SSX2IP: variants seen among roughly 807,000 people sequenced by gnomAD.
The protein encoded by SSX2IP is SSX family member 2 interacting protein.
SSX2IP carries 55 observed loss-of-function variants against 84.9 expected under a neutral mutation model. The ratio of observed to expected loss-of-function variants is 0.65; its 90% CI spans 0.52 to 0.81. SSX2IP has a LOEUF of 0.81. SSX2IP is among the 30% of genes least tolerant of loss of function. SSX2IP has a pLI of 0.00. For synonymous variants in SSX2IP, 239 were observed against 234.7 expected (o/e 1.02, Z -0.17); for missense variants, 664 against 705.2 (o/e 0.94, Z 0.66).
At chr1:84,663,474 A>G (rs1334816438) in intron 6 of SSX2IP, among the ~76,000 whole-genome samples, 1 of 152,210 alleles carries the variant, frequency 6.6e-6, no homozygotes, top group Non-Finnish European at 1.5e-5. Flanking sequence ...CAGGATACCT[A>G]AAGATTTCCA....
chr1:84,653,678 G>C (rs981745220), intron 11 of SSX2IP, among the ~76,000 whole-genome samples: 1 of 152,202 alleles, frequency 6.6e-6, no homozygotes, highest in Admixed American at 6.5e-5. Context: ...ACTGTGAACT[G>C]AGGAAATCCA....
chr1:84,655,882 C>CA lies in SSX2IP; in HGVS notation c.1338dup (p.Glu447Ter). 6.2e-7 allele frequency: 1 copy of CA among 1,614,006 alleles called. No individual in the cohort carries two copies. The highest frequency in any genetic ancestry group is 8.5e-7 in the Non-Finnish European group (1 of 1,179,938). ...TCTGTAAAGCTTCGTCTCTCCCTCT[C>CA]AAAATTCTTTTTCTGCTCTTTAAAA... On this transcript the variant is annotated frameshift_variant, in exon 11 of 14. Transcript: ENST00000342203. LOFTEE classifies it high-confidence loss of function.
intron 1 of SSX2IP, among the ~76,000 whole-genome samples, chr1:84,686,299 TAGTC>T (rs1055782961): frequency 2.0e-5 from 3 of 152,214 alleles, no homozygotes; most frequent in African/African-American, 7.2e-5. Flanking sequence ...CTGGCTGACT[TAGTC>T]AGTGACTGAG....
intron 1 of SSX2IP, among the ~76,000 whole-genome samples, chr1:84,687,560 T>C (rs1655972250): frequency 6.6e-6 from 1 of 152,188 alleles, no homozygotes; most frequent in Admixed American, 6.5e-5. Flanking sequence ...AAGAAAGGTT[T>C]GTTGTATAAT....
intron 1 of SSX2IP, among the ~76,000 whole-genome samples, chr1:84,682,898 T>G (rs1258827970): frequency 6.6e-6 from 1 of 152,200 alleles, no homozygotes; most frequent in African/African-American, 2.4e-5. Flanking sequence ...ATAAAATAAT[T>G]TATTAAGCAT....
chr1:84,671,957 TTA>T (rs758093208), intron 1 of SSX2IP, among the ~76,000 whole-genome samples: 12 of 152,316 alleles, frequency 7.9e-5, no homozygotes, highest in South Asian at 4.1e-4. Flanking sequence ...AATAATGTGT[TTA>T]TGTTTCCATA....
intron 11 of SSX2IP, chr1:84,655,624 T>C: frequency 6.6e-7 from 1 of 1,506,610 alleles, no homozygotes; most frequent in African/African-American, 1.4e-5. Context: ...GCGTTTTTTT[T>C]TCTTAAGTTC....
intron 1 of SSX2IP, among the ~76,000 whole-genome samples, chr1:84,674,350 T>A (rs1654001292): frequency 6.6e-6 from 1 of 152,158 alleles, no homozygotes; most frequent in Non-Finnish European, 1.5e-5. Flanking sequence ...TTCTAAAACC[T>A]ATAACAAAAT....
At position 84,669,764 on chromosome 1, in the gene SSX2IP, G is replaced by A; in HGVS notation, c.343C>T (p.Leu115=). The change falls in exon 4 of 14, where the codon CTA becomes TTA. Residue 115 remains leucine (L), a synonymous_variant. Coordinates refer to ENST00000342203, the MANE Select transcript of SSX2IP (RefSeq NM_001166293.2). ...TGTGTCTCCACATTTTCCTGAGCTAGAAGGTTCTTCCGCTGAAGCACAAGC... is the reference window on the plus strand; with the variant it reads ...TGTGTCTCCACATTTTCCTGAGCTAAAAGGTTCTTCCGCTGAAGCACAAGC... ...ELLVLQRKNL[L]AQENVETQNL... is the part of the protein sequence containing the mutation. 2.5e-6 allele frequency: 4 copies of A among 1,613,842 alleles called. No individual in the cohort carries two copies. The highest frequency in any genetic ancestry group is 3.4e-6 in the Non-Finnish European group (4 of 1,179,806).
At chr1:84,669,653 C>T in intron 4 of SSX2IP, 28 bp downstream of exon 4, 1 of 1,524,808 alleles carries the variant, frequency 6.6e-7, no homozygotes, top group Non-Finnish European at 9.1e-7. Flanking sequence ...ATAATTATGG[C>T]ATTAAAATAT....
chr1:84,684,045 T>G (rs1046742761), intron 1 of SSX2IP, among the ~76,000 whole-genome samples: 4 of 152,164 alleles, frequency 2.6e-5, no homozygotes, highest in African/African-American at 9.7e-5. Flanking sequence ...CCTCAAATAA[T>G]GAAATGGTAA....
chr1:84,678,385 A>G (rs558170050), intron 1 of SSX2IP, among the ~76,000 whole-genome samples: 13 of 152,272 alleles, frequency 8.5e-5, no homozygotes, highest in African/African-American at 2.4e-4. Context: ...TTCAAAACTA[A>G]TGCTTTTACA....
intron 1 of SSX2IP, among the ~76,000 whole-genome samples, chr1:84,684,710 G>C (rs1655550563): frequency 6.6e-6 from 1 of 152,148 alleles, no homozygotes; most frequent in Admixed American, 6.5e-5. Context: ...TATCACCCTG[G>C]AAACAACCCA....
intron 1 of SSX2IP, among the ~76,000 whole-genome samples, chr1:84,688,094 A>G (rs1656041721): frequency 6.6e-6 from 1 of 152,234 alleles, no homozygotes; most frequent in African/African-American, 2.4e-5. Context: ...TAAGCGTTTA[A>G]TGAATGTTTA....
intron 1 of SSX2IP, among the ~76,000 whole-genome samples, chr1:84,683,986 T>C (rs1322098977): frequency 6.6e-6 from 1 of 152,186 alleles, no homozygotes; most frequent in Non-Finnish European, 1.5e-5. Context: ...AAAAGTCAGC[T>C]AAGAAGTCCA....
intron 5 of SSX2IP, 99 bp from the exon 6 acceptor site, chr1:84,664,651 A>C: frequency 9.6e-7 from 1 of 1,039,542 alleles, no homozygotes; most frequent in Middle Eastern, 3.3e-4. Flanking sequence ...TTAAAATCCT[A>C]GGATGATTCT....
At chr1:84,688,914 G>A (rs1656185809) in intron 1 of SSX2IP, among the ~76,000 whole-genome samples, 1 of 152,206 alleles carries the variant, frequency 6.6e-6, no homozygotes, top group African/African-American at 2.4e-5. Flanking sequence ...AAGAGGTTCA[G>A]CCAGTCACTA....
rs1350193077 is a variant in SSX2IP, at chr1:84,644,483, A to G, written c.*2950T>C. The G allele has an allele frequency of 1.3e-5, 2 of 152,240 alleles. No homozygotes were observed. The highest frequency in any genetic ancestry group is 2.4e-5 in the African/African-American group (1 of 41,458). The allele number at this position is 152,240 out of a possible 1,614,324, so 9.4% of individuals were successfully genotyped here. ...GACTGAAAAAGGACAAAAATAGGGA[A>G]AAGTATATTTACTAGACTTCCATAA... is the stretch of plus-strand genomic sequence containing the variant. On this transcript the variant is annotated 3_prime_UTR_variant, in exon 14 of 14. Coordinates refer to ENST00000342203, the MANE Select transcript of SSX2IP (RefSeq NM_001166293.2).
In SSX2IP at chr1:84,681,784, A is replaced by G. The variant is rs537537044; in HGVS notation, c.-90+8587T>C. Reference sequence around the variant, plus strand: ...GGTACACTTCTAGCACCTGTTCCACATATGTACGCATACCCATGAGCAAGG... The same window carrying G: ...GGTACACTTCTAGCACCTGTTCCACGTATGTACGCATACCCATGAGCAAGG... On this transcript the variant is annotated intron_variant, in intron 1 of 13. Coordinates refer to ENST00000342203, the MANE Select transcript of SSX2IP (RefSeq NM_001166293.2). 9.7e-4 allele frequency among the ~76,000 whole-genome samples: 147 copies of G among 152,298 alleles called. No individual in the cohort carries two copies. The Middle Eastern group carries it at 0.02, about 21-fold the overall frequency.
Sources: gnomAD v4.1 joint callset for allele counts (sites outside exome capture counted in the v4.1 genomes callset) on GRCh38, gnomAD v4.1.1 for gene constraint, MANE v1.5 for transcripts, NCBI Gene and HGNC (gene_info 2026-07-23, HGNC 2026-07-21) for gene names.